Variants in ALPK2 observed in about 807,000 individuals in gnomAD.
ALPK2 encodes the protein alpha-protein kinase 2.
In ALPK2, 127 loss-of-function variants were observed where a neutral mutation model predicts 163.1. The observed-to-expected ratio is 0.78, with a 90% CI of 0.67 to 0.90. The LOEUF (loss-of-function observed/expected upper bound fraction) is 0.90. Ranked by LOEUF, ALPK2 falls within the 40% of genes least tolerant of loss-of-function variation. The probability of loss-of-function intolerance (pLI) is 0.00; values close to 1 mark genes in which losing one functional copy is unlikely to be tolerated. For synonymous variants in ALPK2, 953 were observed against 959.1 expected, an observed-to-expected ratio of 0.99 and a Z score of 0.12; for missense variants, 2,360 against 2,589.6, an observed-to-expected ratio of 0.91 and a Z score of 1.92.
chr18:58,510,200 C>A (rs190710940), intron 10 of ALPK2, among the ~76,000 whole-genome samples: 6 of 152,054 alleles, frequency 3.9e-5, no homozygotes, highest in Non-Finnish European at 7.4e-5. Flanking sequence ...GTTGTAGATA[C>A]GTGGCGTTAT....
intron 1 of ALPK2, among the ~76,000 whole-genome samples, chr18:58,613,708 A>AAATAATAATAAT (rs147174781): frequency 2.3e-4 from 22 of 95,182 alleles, no homozygotes; most frequent in Non-Finnish European, 4.4e-4. Flanking sequence ...CAAAAAAAAA[A>AAATAATAATAAT]AATAATAATA....
At chr18:58,496,666 A>T (rs73443197) in intron 12 of ALPK2, among the ~76,000 whole-genome samples, 1,618 of 152,304 alleles carry the variant, frequency 0.011, 26 homozygotes, top group African/African-American at 0.038. Context: ...GCTCCCACGG[A>T]TAAGTTGTTC....
intron 4 of ALPK2, among the ~76,000 whole-genome samples, chr18:58,563,696 G>T (rs56346383): frequency 0.012 from 1,839 of 152,218 alleles, 30 homozygotes; most frequent in South Asian, 0.082. Flanking sequence ...TATTTTCAAG[G>T]CATGATTTTT....
intron 10 of ALPK2, among the ~76,000 whole-genome samples, chr18:58,513,203 T>G (rs1302661846): frequency 1.3e-5 from 2 of 149,944 alleles, no homozygotes; most frequent in Non-Finnish European, 3.0e-5. Flanking sequence ...GGTGTGTTTA[T>G]GTGTATGGTG....
At chr18:58,492,243 GAC>G (rs1219899514) in intron 12 of ALPK2, among the ~76,000 whole-genome samples, 6 of 151,824 alleles carry the variant, frequency 4.0e-5, no homozygotes, top group Non-Finnish European at 7.4e-5. Context: ...CAGGGACACA[GAC>G]ACAGAAACAA....
intron 3 of ALPK2, among the ~76,000 whole-genome samples, chr18:58,607,075 T>C (rs2052101931): frequency 1.3e-5 from 2 of 152,248 alleles, no homozygotes; most frequent in South Asian, 4.1e-4. Context: ...CTGGATCACC[T>C]TGAACAAAAT....
Position 58,553,913 on chromosome 18 carries a change from G to T in ALPK2, c.1963-15689C>A, listed in dbSNP as rs576013289. On this transcript the variant is annotated intron_variant, in intron 4 of 12. Transcript: ENST00000361673. ...GTCTCACTCTGTCACTCAGGCTAGA[G>T]TGCAGTGGCATGATCTTGGCTCACT... is the stretch of plus-strand genomic sequence containing the variant. 7.7e-4 allele frequency among the ~76,000 whole-genome samples: 100 copies of T among 130,168 alleles called. 2 individuals are homozygous for T. The East Asian group carries it at 0.021, about 27-fold the overall frequency. The allele number at this position is 130,168 out of a possible 152,430, so 85.4% of individuals were successfully genotyped here. A position where few individuals can be genotyped will look rare whatever the true frequency, so the allele number is the denominator to read the frequency against.
At chr18:58,622,290 T>A (rs1397622069) in intron 1 of ALPK2, among the ~76,000 whole-genome samples, 2 of 152,034 alleles carry the variant, frequency 1.3e-5, no homozygotes, top group Non-Finnish European at 2.9e-5. Flanking sequence ...GAGGTTATAG[T>A]GAGCCGAGAT....
chr18:58,560,656 A>G (rs1280160936), intron 4 of ALPK2, among the ~76,000 whole-genome samples: 1 of 152,244 alleles, frequency 6.6e-6, no homozygotes, highest in African/African-American at 2.4e-5. Context: ...TCACTTCAGT[A>G]ACATATTCAC....
chr18:58,590,670 C>G (rs553351844), intron 3 of ALPK2, among the ~76,000 whole-genome samples: 11 of 152,310 alleles, frequency 7.2e-5, no homozygotes, highest in Admixed American at 7.2e-4. Context: ...AGCCCCAAAA[C>G]TATGTTTGTC....
chr18:58,512,758 GT>G (rs2051497766), intron 10 of ALPK2, among the ~76,000 whole-genome samples: 1 of 148,736 alleles, frequency 6.7e-6, no homozygotes, highest in African/African-American at 2.5e-5. Flanking sequence ...TGTGTTGTGT[GT>G]ATGTGTATGT....
intron 9 of ALPK2, 102 bp downstream of exon 9, chr18:58,516,806 C>A (rs2051523800): frequency 1.4e-5 from 19 of 1,361,542 alleles, no homozygotes; most frequent in Non-Finnish European, 1.9e-5. Flanking sequence ...GAAAAACACC[C>A]TTTTGAAGAT....
chr18:58,505,518 C>T (rs962043754), intron 10 of ALPK2, among the ~76,000 whole-genome samples: 3 of 152,116 alleles, frequency 2.0e-5, no homozygotes, highest in African/African-American at 7.2e-5. Context: ...GGTCCCCGCC[C>T]CTCTCAAGTC....
At chr18:58,554,987 T>C (rs1202484810) in intron 4 of ALPK2, among the ~76,000 whole-genome samples, 1 of 152,206 alleles carries the variant, frequency 6.6e-6, no homozygotes, top group Non-Finnish European at 1.5e-5. Flanking sequence ...ATGGCTTTGC[T>C]CCTCCTTCGC....
At chr18:58,597,933 G>C (rs1438314518) in intron 3 of ALPK2, among the ~76,000 whole-genome samples, 1 of 152,262 alleles carries the variant, frequency 6.6e-6, no homozygotes. Flanking sequence ...TGAGAACATA[G>C]TGAGAAGGCA....
intron 5 of ALPK2, among the ~76,000 whole-genome samples, chr18:58,531,755 T>G (rs991268384): frequency 1.3e-5 from 2 of 149,872 alleles, no homozygotes; most frequent in African/African-American, 4.9e-5. Context: ...CTGGCCAACA[T>G]GGTGAAACCC....
Position 58,521,693 on chromosome 18 carries a change from T to G in ALPK2, c.5665+2113A>C, listed in dbSNP as rs2051554474. ...GCCAGGCTGGGGGGCAGTGGCGTGA[T>G]CTCAGCTCACTGCAACCTCCACCTC... On this transcript the variant is annotated intron_variant, in intron 8 of 12. Coordinates refer to ENST00000361673, the MANE Select transcript of ALPK2 (RefSeq NM_052947.4). Among the ~76,000 whole-genome samples the G allele has an allele frequency of 2.2e-5, 3 of 136,782 alleles. No individual in the cohort carries two copies. In the South Asian group the frequency reaches 7.4e-4, roughly 34 times the overall value. The allele number at this position is 136,782 out of a possible 152,430, so 89.7% of individuals were successfully genotyped here.
At chr18:58,609,185 C>G (rs1181024404) in intron 2 of ALPK2, among the ~76,000 whole-genome samples, 1 of 149,864 alleles carries the variant, frequency 6.7e-6, no homozygotes, top group East Asian at 2.1e-4. Context: ...TGGATTTTTC[C>G]TCCTTGCCTT....
At chr18:58,593,832 C>T (rs1177548692) in intron 3 of ALPK2, among the ~76,000 whole-genome samples, 2 of 151,420 alleles carry the variant, frequency 1.3e-5, no homozygotes, top group African/African-American at 4.9e-5. Flanking sequence ...GAGCCGAGAT[C>T]GCACCATTGC....
Sources: gnomAD v4.1 joint callset for allele counts (sites outside exome capture counted in the v4.1 genomes callset) on GRCh38, gnomAD v4.1.1 for gene constraint, MANE v1.5 for transcripts, NCBI Gene and HGNC (gene_info 2026-07-23, HGNC 2026-07-21) for gene names.